Variants in SMG7 observed in about 807,000 individuals in gnomAD.
SMG7 encodes the protein SMG7 nonsense mediated mRNA decay factor, also known as nonsense-mediated mRNA decay factor SMG7.
Under a neutral mutation model 148.2 loss-of-function variants are expected in SMG7, and 34 were observed. The observed-to-expected ratio is 0.23, with a 90% confidence interval of 0.17 to 0.31. SMG7 has a LOEUF of 0.31. Among genes scored for constraint, SMG7 ranks in the 10% least tolerant of loss-of-function variants. The pLI, the probability that SMG7 is intolerant of heterozygous loss-of-function variation, is 1.00. For synonymous variants in SMG7, 492 were observed against 515.1 expected (o/e 0.96, Z 0.61); for missense variants, 1,114 against 1,408.4 (o/e 0.79, Z 3.35).
chr1:183,553,283 T>A lies in SMG7; in HGVS notation c.*1352T>A. The stretch of plus-strand genomic sequence containing the variant: ...AACAGAAGGACAGCATTTCTGTTAG[T>A]CATTTCCTGGAAAAGTAATATTTTA... On this transcript the variant is annotated 3_prime_UTR_variant, in exon 23 of 23. Transcript: ENST00000688051. 1 of 1,314,502 alleles carries A rather than the reference T, an allele frequency of 7.6e-7. No homozygotes were observed. Among genetic ancestry groups the A allele is most frequent in the Non-Finnish European group, 1.0e-6 (1 of 977,492 alleles). 81.4% of individuals were successfully genotyped at this position (1,314,502 alleles called of 1,614,324 possible).
At chr1:183,541,164 GCACAC>G (rs1572067054) in intron 13 of SMG7, 61 bp downstream of exon 13, 1 of 1,458,396 alleles carries the variant, frequency 6.9e-7, no homozygotes, top group Non-Finnish European at 9.5e-7. Flanking sequence ...ACACATGCGC[GCACAC>G]GCGCGCGCAC....
chr1:183,528,208 A>G (rs1018434218), intron 6 of SMG7, among the ~76,000 whole-genome samples, 181 bp downstream of exon 6: 4 of 152,294 alleles, frequency 2.6e-5, no homozygotes, highest in South Asian at 4.1e-4. Context: ...TTTACAAGTA[A>G]GATGACTTTT....
chr1:183,552,651 A>C lies in SMG7; in HGVS notation c.*720A>C. 10 of 1,106,936 alleles carry C rather than the reference A, an allele frequency of 9.0e-6. No homozygotes were observed. The highest frequency in any genetic ancestry group is 1.1e-5 in the Non-Finnish European group (10 of 903,422). The allele number at this position is 1,106,936 out of a possible 1,614,324, so 68.6% of individuals were successfully genotyped here. ...ATGCCCTTCACTCTGTAGGTGCTCG[A>C]GCCCCAATCGAGGATACAGTGTGGG... On this transcript the variant is annotated 3_prime_UTR_variant, in exon 23 of 23. Coordinates refer to ENST00000688051, the MANE Select transcript of SMG7 (RefSeq NM_001375584.1).
At chr1:183,546,458 A>T in intron 17 of SMG7, 121 bp downstream of exon 17, 1 of 1,042,990 alleles carries the variant, frequency 9.6e-7, no homozygotes, top group Non-Finnish European at 1.4e-6. Flanking sequence ...ATAGAATGCC[A>T]CTGAGTATTG....
At chr1:183,537,051 A>G (rs1474344966) in intron 10 of SMG7, 94 bp from the exon 11 acceptor site, 5 of 791,630 alleles carry the variant, frequency 6.3e-6, no homozygotes, top group African/African-American at 3.5e-5. Flanking sequence ...AAATACATAA[A>G]GTCCAGGACC....
In SMG7 at chr1:183,553,396, G is replaced by T; in HGVS notation, c.*1465G>T. ...TGGGAGGTCTCTCCTTTGTGTGTCT[G>T]TATGTTTGTGTACACACACGTGCCC... On this transcript the variant is annotated 3_prime_UTR_variant, in exon 23 of 23. Coordinates refer to ENST00000688051, the MANE Select transcript of SMG7 (RefSeq NM_001375584.1). 1.7e-6 allele frequency: 1 copy of T among 604,448 alleles called. No homozygotes were observed. Among genetic ancestry groups the T allele is most frequent in the Non-Finnish European group, 2.8e-6 (1 of 353,256 alleles). 37.4% of individuals were successfully genotyped at this position (604,448 alleles called of 1,614,324 possible). A position where few individuals can be genotyped will look rare whatever the true frequency, so the allele number is the denominator to read the frequency against.
chr1:183,500,791 G>C (rs941214625), intron 1 of SMG7, among the ~76,000 whole-genome samples: 1 of 152,118 alleles, frequency 6.6e-6, no homozygotes, highest in Non-Finnish European at 1.5e-5. Flanking sequence ...ATACTGAGGG[G>C]CAAAACAACA....
At chr1:183,500,735 G>A (rs753665304) in intron 1 of SMG7, among the ~76,000 whole-genome samples, 1 of 152,080 alleles carries the variant, frequency 6.6e-6, no homozygotes, top group Non-Finnish European at 1.5e-5. Flanking sequence ...AAACAAGGAG[G>A]GAAGTGGGAG....
intron 1 of SMG7, among the ~76,000 whole-genome samples, chr1:183,496,441 C>T (rs1274931563): frequency 6.6e-6 from 1 of 152,180 alleles, no homozygotes; most frequent in Non-Finnish European, 1.5e-5. Context: ...TCTGTAGCTA[C>T]TGCCTCTTTC....
chr1:183,481,636 G>A (rs747831218), intron 1 of SMG7, among the ~76,000 whole-genome samples: 3 of 152,066 alleles, frequency 2.0e-5, no homozygotes, highest in Admixed American at 6.6e-5. Context: ...AAAATGAACC[G>A]ATACTTACTC....
chr1:183,523,970 T>G (rs1282225855), intron 4 of SMG7, among the ~76,000 whole-genome samples: 1 of 151,080 alleles, frequency 6.6e-6, no homozygotes, highest in African/African-American at 2.4e-5. Context: ...TATTTACATA[T>G]ATATATTTTT....
At chr1:183,548,114 CAA>C (rs1670257194) in intron 18 of SMG7, among the ~76,000 whole-genome samples, 1 of 152,108 alleles carries the variant, frequency 6.6e-6, no homozygotes, top group Non-Finnish European at 1.5e-5. Context: ...ATTTTAGTGT[CAA>C]GAGAAATAAA....
intron 18 of SMG7, 112 bp downstream of exon 18, chr1:183,547,364 A>G (rs1572101662): frequency 9.9e-7 from 1 of 1,006,158 alleles, no homozygotes; most frequent in African/African-American, 1.6e-5. Context: ...TCCTTTTCAG[A>G]ACTGTAAAAC....
chr1:183,496,918 G>T (rs1658620251), intron 1 of SMG7, among the ~76,000 whole-genome samples: 1 of 152,194 alleles, frequency 6.6e-6, no homozygotes, highest in African/African-American at 2.4e-5. Flanking sequence ...GCTGCATGTG[G>T]TCTGTGGGCC....
intron 1 of SMG7, among the ~76,000 whole-genome samples, chr1:183,486,852 C>G (rs1177903738): frequency 6.6e-6 from 1 of 152,198 alleles, no homozygotes; most frequent in Non-Finnish European, 1.5e-5. Context: ...CGCACGCCAC[C>G]ACACCCAGCT....
At chr1:183,503,267 G>A (rs1660143138) in intron 1 of SMG7, among the ~76,000 whole-genome samples, 1 of 152,174 alleles carries the variant, frequency 6.6e-6, no homozygotes, top group Non-Finnish European at 1.5e-5. Flanking sequence ...CTATATTATT[G>A]TTTGACTGCT....
intron 1 of SMG7, among the ~76,000 whole-genome samples, chr1:183,512,479 CAT>C (rs921282356): frequency 3.9e-5 from 6 of 152,092 alleles, no homozygotes; most frequent in Non-Finnish European, 7.4e-5. Context: ...AATTGAGAAA[CAT>C]AGTAGGTTTT....
chr1:183,535,609 T>A (rs936050216), intron 10 of SMG7, among the ~76,000 whole-genome samples: 1 of 152,220 alleles, frequency 6.6e-6, no homozygotes, highest in Admixed American at 6.5e-5. Flanking sequence ...GAATTTTATG[T>A]ATATTCAAAT....
In SMG7 at chr1:183,554,117, T is replaced by C. The variant is rs953566460; in HGVS notation, c.*2186T>C. On this transcript the variant is annotated 3_prime_UTR_variant, in exon 23 of 23. Transcript: ENST00000688051. Reference sequence around the variant, plus strand: ...GTTTTGTTTTCTGGGTTTTGTTTTTTGTTTTTGTCTGTGCAAGACCTGCAG... The same window carrying C: ...GTTTTGTTTTCTGGGTTTTGTTTTTCGTTTTTGTCTGTGCAAGACCTGCAG... The C allele has an allele frequency of 3.9e-5, 6 of 152,674 alleles. No individual in the cohort carries two copies. Among genetic ancestry groups the C allele is most frequent in the Non-Finnish European group, 8.8e-5 (6 of 68,058 alleles). The allele number at this position is 152,674 out of a possible 1,614,324, so 9.5% of individuals were successfully genotyped here.
Sources: allele counts gnomAD v4.1 joint callset (sites outside exome capture counted in the v4.1 genomes callset), GRCh38; gene constraint gnomAD v4.1.1; transcripts MANE v1.5; gene names NCBI Gene and HGNC (gene_info 2026-07-23, HGNC 2026-07-21).